EIF4G3: variants seen among roughly 807,000 people sequenced by gnomAD.
The protein encoded by EIF4G3 is eIF-4-gamma 3.
EIF4G3 carries 34 observed loss-of-function variants against 186.4 expected under a neutral mutation model. The observed-to-expected ratio is 0.18, with a 90% CI of 0.14 to 0.24. EIF4G3 has a LOEUF of 0.24. Among genes scored for constraint, EIF4G3 ranks in the 10% least tolerant of loss-of-function variants. The pLI is 1.00. For missense variants in EIF4G3, 1,536 were observed against 1,948.5 expected (o/e 0.79, Z 3.99); for synonymous variants, 673 against 679.5 (o/e 0.99, Z 0.15).
intron 2 of EIF4G3, among the ~76,000 whole-genome samples, chr1:21,125,958 C>T (rs1384402418): frequency 2.0e-5 from 3 of 151,628 alleles, no homozygotes; most frequent in Non-Finnish European, 4.4e-5. Flanking sequence ...AATCCCAGCA[C>T]TTTGGGAGGC....
intron 2 of EIF4G3, among the ~76,000 whole-genome samples, chr1:21,158,071 C>A (rs2097694369): frequency 6.6e-6 from 1 of 152,024 alleles, no homozygotes; most frequent in Admixed American, 6.6e-5. Context: ...CACTGGTGCC[C>A]TTATGAACTG....
rs2097523647 is a variant in EIF4G3, at chr1:21,149,869, AACTGAC to A, written c.-272+26300_-272+26305del. Among the ~76,000 whole-genome samples, 3 of 152,350 alleles carry A rather than the reference AACTGAC, an allele frequency of 2.0e-5. No individual in the cohort carries two copies. In the South Asian group the frequency reaches 6.2e-4, roughly 32 times the overall value. ...TCATTCTGGACATGTATCTGTCATC[AACTGAC>A]ACAGACAGGTAAGCCTTGCTGCTTT... is the stretch of plus-strand genomic sequence containing the variant. On this transcript the variant is annotated intron_variant, in intron 2 of 36. Transcript: ENST00000602326.
Position 21,042,668 on chromosome 1 carries a change from C to T in EIF4G3, c.-67+8198G>A, listed in dbSNP as rs1428558703. 3.9e-5 allele frequency among the ~76,000 whole-genome samples: 6 copies of T among 152,320 alleles called. No homozygotes were observed. The East Asian group carries it at 1.2e-3, about 29-fold the overall frequency. On this transcript the variant is annotated intron_variant, in intron 4 of 36. Transcript: ENST00000602326. ...TGAAAAGACATATATACCCATTTGC[C>T]TGACTAAACTCAAGACAATATTATA...
At chr1:20,922,532 G>A (rs1170466038) in intron 14 of EIF4G3, among the ~76,000 whole-genome samples, 2 of 152,112 alleles carry the variant, frequency 1.3e-5, no homozygotes, top group East Asian at 1.9e-4. Context: ...CCCAACCTCA[G>A]ATAATCCGCC....
At chr1:20,814,887 A>AT (rs1209301939) in intron 34 of EIF4G3, among the ~76,000 whole-genome samples, 1 of 115,240 alleles carries the variant, frequency 8.7e-6, no homozygotes, top group Non-Finnish European at 1.8e-5. Context: ...TCCCTGCCTG[A>AT]TTCTCCTGCC....
At chr1:21,091,420 C>G (rs913221959) in intron 2 of EIF4G3, among the ~76,000 whole-genome samples, 1 of 152,118 alleles carries the variant, frequency 6.6e-6, no homozygotes, top group Non-Finnish European at 1.5e-5. Context: ...CTCGGCCTCC[C>G]AAAGTGCTAG....
chr1:21,022,643 T>C lies in EIF4G3; in HGVS notation c.-66-19835A>G, dbSNP rs370982661. On this transcript the variant is annotated intron_variant, in intron 4 of 36. Transcript: ENST00000602326. ...ATTTAGACATCACATAGTTCTATTA[T>C]GTTCTAATATTCCCAACCCACACAC... 8.5e-5 allele frequency among the ~76,000 whole-genome samples: 13 copies of C among 152,368 alleles called. No individual in the cohort carries two copies. The East Asian group carries it at 2.3e-3, about 27-fold the overall frequency.
chr1:21,090,729 C>T (rs1317271607), intron 2 of EIF4G3, among the ~76,000 whole-genome samples: 1 of 152,180 alleles, frequency 6.6e-6, no homozygotes, highest in Non-Finnish European at 1.5e-5. Context: ...CCTTGCCCCA[C>T]TCCACTACAA....
At chr1:21,141,669 C>G (rs1260494187) in intron 2 of EIF4G3, among the ~76,000 whole-genome samples, 1 of 152,072 alleles carries the variant, frequency 6.6e-6, no homozygotes, top group African/African-American at 2.4e-5. Context: ...TGGCTCATGC[C>G]TGTTATCCCA....
At chr1:21,131,264 ACTT>A in intron 2 of EIF4G3, among the ~76,000 whole-genome samples, 1 of 150,460 alleles carries the variant, frequency 6.6e-6, no homozygotes. Flanking sequence ...AAATCAACGA[ACTT>A]AAAGATACAT....
intron 14 of EIF4G3, among the ~76,000 whole-genome samples, chr1:20,919,200 A>C (rs920668190): frequency 6.6e-6 from 1 of 152,014 alleles, no homozygotes; most frequent in Non-Finnish European, 1.5e-5. Context: ...CCAAGACAAA[A>C]CCCAACATTT....
At chr1:21,110,356 C>T (rs749656653) in intron 2 of EIF4G3, among the ~76,000 whole-genome samples, 52 of 151,158 alleles carry the variant, frequency 3.4e-4, no homozygotes, top group Non-Finnish European at 6.8e-4. Flanking sequence ...AGTGCAGTGA[C>T]GCAATCGCGG....
rs527704070 is a variant in EIF4G3 at position 21,153,726 on chromosome 1, G to A, written c.-272+22449C>T. Among the ~76,000 whole-genome samples the A allele has an allele frequency of 3.5e-4, 53 of 152,068 alleles. No homozygotes were observed. The Middle Eastern group carries it at 0.01, about 29-fold the overall frequency. On this transcript the variant is annotated intron_variant, in intron 2 of 36. Coordinates refer to ENST00000602326, the MANE Select transcript of EIF4G3 (RefSeq NM_001391906.1). ...ATTATAGGTATGTGCCACCACACCC[G>A]ACTAATTTTTCTATTTTTAGTAGAG...
At chr1:21,047,704 A>G (rs535157742) in intron 4 of EIF4G3, among the ~76,000 whole-genome samples, 1 of 152,080 alleles carries the variant, frequency 6.6e-6, no homozygotes, top group South Asian at 2.1e-4. Flanking sequence ...TTTTTCTCCT[A>G]TTAATCTATC....
chr1:20,864,437 G>T, intron 22 of EIF4G3, 39 bp downstream of exon 22: 1 of 1,460,230 alleles, frequency 6.8e-7, no homozygotes, highest in Non-Finnish European at 9.6e-7. Context: ...CAACTGACAA[G>T]GAGCCTTTGC....
chr1:20,884,393 T>G (rs1450904008), intron 19 of EIF4G3, among the ~76,000 whole-genome samples: 2 of 152,166 alleles, frequency 1.3e-5, no homozygotes, highest in African/African-American at 4.8e-5. Flanking sequence ...AAAAAAAGGA[T>G]AACATCTATT....
At chr1:21,145,613 CTTATATACA>C (rs1345846175) in intron 2 of EIF4G3, among the ~76,000 whole-genome samples, 1 of 151,952 alleles carries the variant, frequency 6.6e-6, no homozygotes, top group Non-Finnish European at 1.5e-5. Flanking sequence ...AAATTAAAAA[CTTATATACA>C]TTGTGATTTC....
chr1:20,990,895 T>C (rs1244921155), intron 7 of EIF4G3, among the ~76,000 whole-genome samples: 1 of 152,144 alleles, frequency 6.6e-6, no homozygotes, highest in Non-Finnish European at 1.5e-5. Flanking sequence ...TGCAAAGCAA[T>C]ACAAAATATG....
chr1:21,123,044 T>C (rs528949242), intron 2 of EIF4G3, among the ~76,000 whole-genome samples: 4 of 152,318 alleles, frequency 2.6e-5, no homozygotes, highest in African/African-American at 4.8e-5. Flanking sequence ...GGCCAGGCTT[T>C]TCCTCTTGTG....
Sources: allele counts gnomAD v4.1 joint callset (sites outside exome capture counted in the v4.1 genomes callset), GRCh38; gene constraint gnomAD v4.1.1; transcripts MANE v1.5; gene names NCBI Gene and HGNC (gene_info 2026-07-23, HGNC 2026-07-21).